Variants in SDK1 observed in about 807,000 individuals in gnomAD.
SDK1 encodes protein sidekick-1.
SDK1 carries 157 observed loss-of-function variants against 245.5 expected under a neutral mutation model. That is an observed-to-expected ratio of 0.64 (90% CI 0.56 to 0.73). The LOEUF is 0.73. Ranked by LOEUF, SDK1 falls within the 30% of genes least tolerant of loss-of-function variation. The pLI is 0.00. For synonymous variants in SDK1, 1,647 were observed against 1,278.5 expected (o/e 1.29, Z -6.15); for missense variants, 3,583 against 3,002.3 (o/e 1.19, Z -4.52).
intron 5 of SDK1, among the ~76,000 whole-genome samples, chr7:3,929,357 A>G (rs920572211): frequency 6.6e-6 from 1 of 152,198 alleles, no homozygotes; most frequent in Non-Finnish European, 1.5e-5. Flanking sequence ...TTCATGCACC[A>G]GGCACTCACA....
rs200671729 is a variant in SDK1, at chr7:4,268,765, G to A, written c.*3381G>A. 7.0e-4 allele frequency: 961 copies of A among 1,366,616 alleles called. 15 individuals are homozygous for A. The South Asian group carries it at 8.7e-3, about 12-fold the overall frequency. 84.7% of individuals were successfully genotyped at this position (1,366,616 alleles called of 1,614,324 possible). Reference sequence around the variant, plus strand: ...CGTCCTGGTAGCATGGATCCAGTCTGAAAGGTGAGGACAACGTGGAAACTC... The same window carrying A: ...CGTCCTGGTAGCATGGATCCAGTCTAAAAGGTGAGGACAACGTGGAAACTC... On this transcript the variant is annotated 3_prime_UTR_variant, in exon 45 of 45. Coordinates refer to ENST00000404826, the MANE Select transcript of SDK1 (RefSeq NM_152744.4).
At chr7:4,143,460 C>T (rs1160838072) in intron 28 of SDK1, among the ~76,000 whole-genome samples, 1 of 152,146 alleles carries the variant, frequency 6.6e-6, no homozygotes, top group Admixed American at 6.5e-5. Flanking sequence ...GCCCTCCTGG[C>T]ACCCCGTGAG....
At chr7:3,832,989 A>G (rs1290414814) in intron 5 of SDK1, among the ~76,000 whole-genome samples, 1 of 151,974 alleles carries the variant, frequency 6.6e-6, no homozygotes, top group Non-Finnish European at 1.5e-5. Flanking sequence ...GATACCAAAG[A>G]TATTATTTTA....
At chr7:3,535,631 T>C (rs1583136532) in intron 1 of SDK1, among the ~76,000 whole-genome samples, 1 of 152,352 alleles carries the variant, frequency 6.6e-6, no homozygotes, top group East Asian at 1.9e-4. Flanking sequence ...ATTTGTAATA[T>C]TCCCTCATTG....
intron 1 of SDK1, among the ~76,000 whole-genome samples, chr7:3,564,437 C>G (rs547421420): frequency 8.6e-5 from 13 of 151,628 alleles, no homozygotes; most frequent in African/African-American, 2.9e-4. Flanking sequence ...TGCAGTGAGC[C>G]GAGATTGCGC....
intron 14 of SDK1, among the ~76,000 whole-genome samples, chr7:3,994,641 CAAAAAAAAA>C (rs58677753): frequency 1.1e-5 from 1 of 89,038 alleles, no homozygotes; most frequent in Non-Finnish European, 2.6e-5. Context: ...GACTTCATCT[CAAAAAAAAA>C]AAAAAAAAGA....
intron 5 of SDK1, among the ~76,000 whole-genome samples, chr7:3,835,816 A>G (rs1302673389): frequency 6.6e-6 from 1 of 152,150 alleles, no homozygotes; most frequent in African/African-American, 2.4e-5. Flanking sequence ...TTCAATATGG[A>G]TTGGGATGTT....
chr7:3,820,034 A>G (rs770452234), intron 4 of SDK1, among the ~76,000 whole-genome samples: 3 of 152,152 alleles, frequency 2.0e-5, no homozygotes, highest in Non-Finnish European at 2.9e-5. Context: ...GAGACCTAAG[A>G]TGTTTCTCTT....
At chr7:3,495,689 C>A (rs149309758) in intron 1 of SDK1, among the ~76,000 whole-genome samples, 25 of 152,214 alleles carry the variant, frequency 1.6e-4, no homozygotes, top group African/African-American at 6.0e-4. Context: ...CCGTGTGGTT[C>A]CTGCGTCAGT....
At chr7:4,229,268 G>C (rs1785607473) in intron 40 of SDK1, among the ~76,000 whole-genome samples, 1 of 152,096 alleles carries the variant, frequency 6.6e-6, no homozygotes, top group African/African-American at 2.4e-5. Flanking sequence ...GTAAATATTA[G>C]TACGAGATAA....
chr7:3,842,488 T>G (rs977189435), intron 5 of SDK1, among the ~76,000 whole-genome samples: 28 of 152,120 alleles, frequency 1.8e-4, no homozygotes, highest in Non-Finnish European at 3.7e-4. Flanking sequence ...ACTAGGTCGC[T>G]GTACTGGCAT....
chr7:3,460,845 G>T (rs970543170), intron 1 of SDK1, among the ~76,000 whole-genome samples: 5 of 152,134 alleles, frequency 3.3e-5, no homozygotes, highest in East Asian at 1.9e-4. Context: ...TTTCCTGCTT[G>T]CTCTGTTTCT....
chr7:3,351,350 A>G (rs1441407714), intron 1 of SDK1, among the ~76,000 whole-genome samples: 1 of 152,216 alleles, frequency 6.6e-6, no homozygotes, highest in Non-Finnish European at 1.5e-5. Flanking sequence ...ACAAGGAGAA[A>G]AATTAGAAAA....
At chr7:3,456,189 A>G (rs4719943) in intron 1 of SDK1, among the ~76,000 whole-genome samples, 114,865 of 152,074 alleles carry the variant, frequency 0.76, 43,686 homozygotes, top group African/African-American at 0.85. Context: ...TTGTCTTGCT[A>G]TGTTTTTCCT....
chr7:3,951,931 A>G lies in SDK1; in HGVS notation c.1150+11A>G, dbSNP rs764997518. 1 of 1,609,456 alleles carries G rather than the reference A, an allele frequency of 6.2e-7. No individual in the cohort carries two copies. The highest frequency in any genetic ancestry group is 8.5e-7 in the Non-Finnish European group (1 of 1,179,056). Reference sequence around the variant, plus strand: ...TTCTTTTCATCATAGGTAATGCGGGAGCCTCTAAGTGGTGTTGCCAGCATC... The same window carrying G: ...TTCTTTTCATCATAGGTAATGCGGGGGCCTCTAAGTGGTGTTGCCAGCATC... On this transcript the variant is annotated intron_variant, in intron 7 of 44. Coordinates refer to ENST00000404826, the MANE Select transcript of SDK1 (RefSeq NM_152744.4).
intron 1 of SDK1, among the ~76,000 whole-genome samples, chr7:3,316,752 T>A (rs1007378002): frequency 3.3e-5 from 5 of 152,202 alleles, no homozygotes; most frequent in Admixed American, 1.3e-4. Context: ...TGGAACTGGT[T>A]CTTGCCCATC....
intron 17 of SDK1, among the ~76,000 whole-genome samples, chr7:4,043,619 C>T (rs902633356): frequency 1.3e-5 from 2 of 152,240 alleles, no homozygotes; most frequent in African/African-American, 4.8e-5. Flanking sequence ...GCACTGCCTC[C>T]AGGATGCAGG....
chr7:3,874,251 T>G lies in SDK1; in HGVS notation c.847+52668T>G, dbSNP rs147589610. On this transcript the variant is annotated intron_variant, in intron 5 of 44. Transcript: ENST00000404826. ...TCATGTGTTCATAGCATGGGATAAT[T>G]TTTCAGACTTGTCTCCGTATCTGCT... Among the ~76,000 whole-genome samples the G allele has an allele frequency of 3.0e-4, 46 of 152,342 alleles. No homozygotes were observed. In the East Asian group the frequency reaches 5.2e-3, roughly 17 times the overall value.
At chr7:3,919,973 C>T (rs1779530248) in intron 5 of SDK1, among the ~76,000 whole-genome samples, 1 of 152,138 alleles carries the variant, frequency 6.6e-6, no homozygotes, top group South Asian at 2.1e-4. Flanking sequence ...GGGGCACCAC[C>T]AGCTCTGGGA....
Sources: gnomAD v4.1 joint callset for allele counts (sites outside exome capture counted in the v4.1 genomes callset) on GRCh38, gnomAD v4.1.1 for gene constraint, MANE v1.5 for transcripts, NCBI Gene and HGNC (gene_info 2026-07-23, HGNC 2026-07-21) for gene names.